Variants in KIAA1217 observed in about 807,000 individuals in gnomAD.
KIAA1217 encodes KIAA1217.
In KIAA1217, 88 loss-of-function variants were observed where a neutral mutation model predicts 163.9. That is an observed-to-expected ratio of 0.54 (90% CI 0.45 to 0.64). The LOEUF (loss-of-function observed/expected upper bound fraction) is 0.64, where lower values mean the gene tolerates loss of function less well. Ranked by LOEUF, KIAA1217 falls within the 30% of genes least tolerant of loss-of-function variation. The pLI is 0.00. For synonymous variants in KIAA1217, 903 were observed against 923.1 expected (o/e 0.98, Z 0.39); for missense variants, 2,372 against 2,475.0 (o/e 0.96, Z 0.88).
At chr10:23,749,170 T>A (rs1188304458) in intron 1 of KIAA1217, among the ~76,000 whole-genome samples, 1 of 152,238 alleles carries the variant, frequency 6.6e-6, no homozygotes. Flanking sequence ...GCATTTATAC[T>A]ACCAAGATCC....
At chr10:23,696,226 C>T (rs1242763636) in intron 1 of KIAA1217, among the ~76,000 whole-genome samples, 2 of 152,218 alleles carry the variant, frequency 1.3e-5, no homozygotes, top group East Asian at 1.9e-4. Flanking sequence ...AATCTGCCCT[C>T]GTCCTAGGGT....
At chr10:24,069,861 A>G (rs1351218903) in intron 2 of KIAA1217, among the ~76,000 whole-genome samples, 10 of 152,098 alleles carry the variant, frequency 6.6e-5, no homozygotes, top group Non-Finnish European at 1.3e-4. Flanking sequence ...TTTTTGCAAG[A>G]CAGAGTCTCA....
At chr10:23,996,835 C>A (rs1358816607) in intron 1 of KIAA1217, among the ~76,000 whole-genome samples, 1 of 149,674 alleles carries the variant, frequency 6.7e-6, no homozygotes, top group Non-Finnish European at 1.5e-5. Context: ...AAGAGAGATG[C>A]TAGTTTACCC....
intron 2 of KIAA1217, among the ~76,000 whole-genome samples, chr10:24,181,230 C>A (rs904347042): frequency 6.6e-6 from 1 of 152,142 alleles, no homozygotes; most frequent in Non-Finnish European, 1.5e-5. Context: ...GTGGAAATAT[C>A]TGAGAGGGGA....
rs1327811784 is a variant in KIAA1217 at position 23,810,811 on chromosome 10, T to C, written c.-321+115577T>C. 6.4e-5 allele frequency among the ~76,000 whole-genome samples: 8 copies of C among 125,488 alleles called. 1 individual carries two copies. Among genetic ancestry groups the C allele is most frequent in the South Asian group, 2.3e-4 (1 of 4,276 alleles). The allele number at this position is 125,488 out of a possible 152,430, so 82.3% of individuals were successfully genotyped here. A position where few individuals can be genotyped will look rare whatever the true frequency, so the allele number is the denominator to read the frequency against. On this transcript the variant is annotated intron_variant, in intron 1 of 18. Transcript: ENST00000376462. The stretch of plus-strand genomic sequence containing the variant: ...TAATTACTAAATTATAATTACCAAA[T>C]ACTAATTATTATATATACTATATAT...
chr10:23,900,875 C>T (rs1841928015), intron 1 of KIAA1217, among the ~76,000 whole-genome samples: 1 of 152,090 alleles, frequency 6.6e-6, no homozygotes, highest in Admixed American at 6.6e-5. Flanking sequence ...ATCCATTACT[C>T]ACCTGCAAAA....
rs1458299049 is a variant in KIAA1217 at position 23,710,438 on chromosome 10, G to A, written c.-321+15204G>A. On this transcript the variant is annotated intron_variant, in intron 1 of 18. Transcript: ENST00000376462. ...TTAAATCTTCAGTTATGAAGGTCTT[G>A]AAGATGACTTTGTAGATAATGAAGA... Among the ~76,000 whole-genome samples, 3 of 152,188 alleles carry A rather than the reference G, an allele frequency of 2.0e-5. No individual in the cohort carries two copies. In the East Asian group the frequency reaches 5.8e-4, roughly 29 times the overall value.
chr10:24,018,568 A>T (rs7911584), intron 2 of KIAA1217, among the ~76,000 whole-genome samples: 3 of 148,186 alleles, frequency 2.0e-5, no homozygotes, highest in South Asian at 2.1e-4. Flanking sequence ...TAATAATAAA[A>T]AATAATAATA....
At chr10:24,239,672 GAT>G (rs2072788623) in intron 2 of KIAA1217, among the ~76,000 whole-genome samples, 1 of 138,428 alleles carries the variant, frequency 7.2e-6, no homozygotes, top group Admixed American at 7.4e-5. Flanking sequence ...TTTATTCCCA[GAT>G]GTGTGTGTGT....
chr10:23,874,315 C>A (rs772886908), intron 1 of KIAA1217, among the ~76,000 whole-genome samples: 3 of 151,924 alleles, frequency 2.0e-5, no homozygotes, highest in Non-Finnish European at 2.9e-5. Flanking sequence ...TATTTTATTT[C>A]TATTCTAAAT....
intron 2 of KIAA1217, among the ~76,000 whole-genome samples, chr10:24,225,568 A>G (rs1002400259): frequency 6.6e-6 from 1 of 152,186 alleles, no homozygotes; most frequent in Non-Finnish European, 1.5e-5. Flanking sequence ...TTTATCCCAT[A>G]TATATTTATT....
At chr10:23,917,015 T>A (rs1180529927) in intron 1 of KIAA1217, among the ~76,000 whole-genome samples, 1 of 151,916 alleles carries the variant, frequency 6.6e-6, no homozygotes, top group South Asian at 2.1e-4. Context: ...CTTTCTATCT[T>A]TCCTCCCTTT....
chr10:24,145,141 G>A (rs758063474), intron 2 of KIAA1217, among the ~76,000 whole-genome samples: 1 of 152,190 alleles, frequency 6.6e-6, no homozygotes, highest in Non-Finnish European at 1.5e-5. Flanking sequence ...TCCTTGGCAG[G>A]GGCCAGCTCT....
intron 1 of KIAA1217, among the ~76,000 whole-genome samples, chr10:23,711,222 C>T (rs1464363900): frequency 6.6e-6 from 1 of 152,164 alleles, no homozygotes; most frequent in East Asian, 1.9e-4. Context: ...TGTCCACATT[C>T]TAATTCCTAA....
intron 1 of KIAA1217, among the ~76,000 whole-genome samples, chr10:23,845,355 A>T (rs891152941): frequency 6.6e-6 from 1 of 152,210 alleles, no homozygotes; most frequent in Non-Finnish European, 1.5e-5. Context: ...TCCCACCAAC[A>T]GTGTAAAAGC....
chr10:23,865,705 T>G (rs1840148341), intron 1 of KIAA1217, among the ~76,000 whole-genome samples: 1 of 152,182 alleles, frequency 6.6e-6, no homozygotes, highest in Non-Finnish European at 1.5e-5. Context: ...GAATTTATTT[T>G]TGTATTCTAT....
At chr10:24,300,694 A>G (rs2041214551) in intron 2 of KIAA1217, among the ~76,000 whole-genome samples, 1 of 152,076 alleles carries the variant, frequency 6.6e-6, no homozygotes. Context: ...CAGCCTCCTG[A>G]GTAGCTGGGA....
At chr10:24,522,095 G>C (rs567683897) in intron 12 of KIAA1217, among the ~76,000 whole-genome samples, 166 bp downstream of exon 12, 4 of 152,256 alleles carry the variant, frequency 2.6e-5, no homozygotes, top group African/African-American at 9.6e-5. Context: ...TTGCAATATG[G>C]CTTGAGGTTC....
At chr10:24,306,592 G>A (rs181600802) in intron 2 of KIAA1217, among the ~76,000 whole-genome samples, 63 of 152,328 alleles carry the variant, frequency 4.1e-4, no homozygotes, top group Admixed American at 3.3e-3. Flanking sequence ...TCTTTCTGGA[G>A]CGGGAGTTAT....
Sources: allele counts gnomAD v4.1 joint callset (sites outside exome capture counted in the v4.1 genomes callset), GRCh38; gene constraint gnomAD v4.1.1; transcripts MANE v1.5; gene names NCBI Gene and HGNC (gene_info 2026-07-23, HGNC 2026-07-21).